Variants in GRIK1 observed in about 807,000 individuals in gnomAD.
GRIK1 encodes the protein glutamate receptor ionotropic, kainate 1.
GRIK1 carries 69 observed loss-of-function variants against 105.7 expected under a neutral mutation model. That is an observed-to-expected ratio of 0.65 (90% confidence interval 0.54 to 0.80). GRIK1 has a LOEUF of 0.80. Ranked by LOEUF, GRIK1 falls within the 30% of genes least tolerant of loss-of-function variation. The pLI is 0.00. For synonymous variants in GRIK1, 438 were observed against 431.3 expected, an observed-to-expected ratio of 1.02 and a Z score of -0.19; for missense variants, 1,109 against 1,167.3, an observed-to-expected ratio of 0.95 and a Z score of 0.73.
intron 1 of GRIK1, among the ~76,000 whole-genome samples, chr21:29,763,171 C>A (rs111596911): frequency 0.042 from 6,447 of 152,242 alleles, 198 homozygotes; most frequent in Non-Finnish European, 0.066. Context: ...TTCCCCCATG[C>A]TGTTCTCATG....
chr21:29,852,371 C>T (rs1279260977), intron 1 of GRIK1, among the ~76,000 whole-genome samples: 2 of 152,128 alleles, frequency 1.3e-5, no homozygotes, highest in Non-Finnish European at 2.9e-5. Context: ...AGAAGGCCCC[C>T]TACCTGTAGA....
At position 29,893,901 on chromosome 21, in the gene GRIK1, A is replaced by G. The variant is rs117707539; in HGVS notation, c.118+45482T>C. Among the ~76,000 whole-genome samples the G allele has an allele frequency of 8.5e-5, 13 of 152,288 alleles. No homozygotes were observed. The East Asian group carries it at 2.5e-3, about 29-fold the overall frequency. On this transcript the variant is annotated intron_variant, in intron 1 of 17. Transcript: ENST00000327783. ...GGAGAGTCACTTGAGAGGTGGCAGG[A>G]GTGGTCAGCAAACCCTTCAGGGAGG...
chr21:29,542,395 T>C (rs1326696958), intron 16 of GRIK1, among the ~76,000 whole-genome samples: 3 of 152,314 alleles, frequency 2.0e-5, no homozygotes, highest in East Asian at 3.9e-4. Flanking sequence ...ATATCTTCTC[T>C]TTACACCTTT....
At chr21:29,830,356 C>T (rs2067596822) in intron 1 of GRIK1, among the ~76,000 whole-genome samples, 1 of 63,744 alleles carries the variant, frequency 1.6e-5, no homozygotes, top group African/African-American at 3.8e-5. Flanking sequence ...CACACACACA[C>T]ACACACTCAC....
chr21:29,693,742 G>T (rs775501907), intron 2 of GRIK1, among the ~76,000 whole-genome samples, 154 bp downstream of exon 2: 3 of 152,122 alleles, frequency 2.0e-5, no homozygotes, highest in Non-Finnish European at 4.4e-5. Flanking sequence ...GGTTAGTTCA[G>T]ATTACACTGA....
chr21:29,654,581 C>T (rs951770604), intron 5 of GRIK1, among the ~76,000 whole-genome samples: 1 of 151,476 alleles, frequency 6.6e-6, no homozygotes, highest in Admixed American at 6.6e-5. Flanking sequence ...AATGCACATG[C>T]ATTGATACTA....
At chr21:29,641,306 G>A (rs890319897) in intron 7 of GRIK1, among the ~76,000 whole-genome samples, 18 of 152,234 alleles carry the variant, frequency 1.2e-4, no homozygotes, top group East Asian at 3.9e-4. Flanking sequence ...TGCTGTTCTC[G>A]TGATAGCGAA....
chr21:29,584,454 T>C (rs1215650595), intron 12 of GRIK1, among the ~76,000 whole-genome samples: 1 of 152,214 alleles, frequency 6.6e-6, no homozygotes, highest in African/African-American at 2.4e-5. Context: ...TTAAATATTT[T>C]TCAAAAAGTG....
intron 5 of GRIK1, among the ~76,000 whole-genome samples, chr21:29,652,296 T>C (rs1461038628): frequency 6.6e-6 from 1 of 152,150 alleles, no homozygotes; most frequent in Non-Finnish European, 1.5e-5. Flanking sequence ...AAGTGAAATT[T>C]GAAAACTGCA....
intron 8 of GRIK1, chr21:29,597,773 CA>C (rs2061443843): frequency 3.5e-6 from 1 of 282,552 alleles, no homozygotes. Flanking sequence ...CACTGGTGGT[CA>C]CCTTCTAATA....
intron 1 of GRIK1, among the ~76,000 whole-genome samples, chr21:29,712,692 C>A (rs2146822407): frequency 6.6e-6 from 1 of 152,228 alleles, no homozygotes; most frequent in South Asian, 2.1e-4. Flanking sequence ...GTTCTGAAGT[C>A]TTTGCCTTGC....
intron 7 of GRIK1, among the ~76,000 whole-genome samples, chr21:29,630,323 G>T (rs930777436): frequency 6.6e-6 from 1 of 152,154 alleles, no homozygotes; most frequent in Non-Finnish European, 1.5e-5. Context: ...CCCTCCCCTT[G>T]AGTGTGAGTG....
intron 14 of GRIK1, among the ~76,000 whole-genome samples, chr21:29,569,739 T>C (rs779835703): frequency 2.0e-5 from 3 of 152,222 alleles, no homozygotes; most frequent in Non-Finnish European, 4.4e-5. Context: ...TTCTACACTA[T>C]CACTGTGAGA....
intron 7 of GRIK1, among the ~76,000 whole-genome samples, chr21:29,620,802 T>TATATATATATAGATATATATATATAG (rs1276169939): frequency 7.8e-6 from 1 of 127,426 alleles, no homozygotes; most frequent in African/African-American, 3.3e-5. Flanking sequence ...TCTATATATA[T>TATATATATATAGATATATATATATAG]ATAGATATAT....
intron 1 of GRIK1, among the ~76,000 whole-genome samples, chr21:29,696,349 C>T (rs919466355): frequency 4.6e-5 from 7 of 152,152 alleles, no homozygotes; most frequent in African/African-American, 1.7e-4. Flanking sequence ...TTAACCTTTA[C>T]CTAAGGAGCC....
At chr21:29,556,959 T>G (rs564014588) in intron 15 of GRIK1, among the ~76,000 whole-genome samples, 24 of 152,346 alleles carry the variant, frequency 1.6e-4, no homozygotes, top group African/African-American at 5.8e-4. Flanking sequence ...AATTCAAATA[T>G]CCTACAAAAT....
In GRIK1 at chr21:29,537,814, C is replaced by T. The variant is rs2089904959; in HGVS notation, c.2678G>A (p.Ser893Asn). 6.6e-7 allele frequency: 1 copy of T among 1,517,834 alleles called. No homozygotes were observed. The highest frequency in any genetic ancestry group is 1.7e-5 in the Admixed American group (1 of 59,762). 94.0% of individuals were successfully genotyped at this position (1,517,834 alleles called of 1,614,324 possible). The change falls in exon 17 of 18, where the codon AGC becomes AAC. Residue 893 changes from serine to asparagine, a missense_variant. Physicochemically the swap from Ser to Asn is conservative, Grantham distance 46. This residue lies in a region of GRIK1 where 161 missense variants were observed against 143.4 expected (regional missense o/e 1.12). Coordinates refer to ENST00000327783, the MANE Select transcript of GRIK1 (RefSeq NM_001330994.2). ...TGAACAAACCTTCTCTACACCAAGGCTTTGTTTTTTTCTCCCATGAAACCT... is the reference window on the plus strand; with the variant it reads ...TGAACAAACCTTCTCTACACCAAGGTTTTGTTTTTTTCTCCCATGAAACCT... ...KVRFHGRKKQ[S>N]LGVEKCLSFN...
intron 1 of GRIK1, among the ~76,000 whole-genome samples, chr21:29,724,569 A>G (rs933855939): frequency 1.3e-5 from 2 of 152,240 alleles, no homozygotes; most frequent in African/African-American, 4.8e-5. Flanking sequence ...CTACAACTAA[A>G]TATGGGAGAG....
At chr21:29,560,381 C>CT (rs1387156842) in intron 15 of GRIK1, among the ~76,000 whole-genome samples, 24 of 64,736 alleles carry the variant, frequency 3.7e-4, no homozygotes, top group Admixed American at 2.2e-3. Flanking sequence ...TCCTTCCTTC[C>CT]TTCCTTCCTT....
Sources: allele counts gnomAD v4.1 joint callset (sites outside exome capture counted in the v4.1 genomes callset), GRCh38; gene constraint gnomAD v4.1.1; regional missense constraint gnomAD v4.1.1; transcripts MANE v1.5; gene names NCBI Gene and HGNC (gene_info 2026-07-23, HGNC 2026-07-21).